Variants in AMPH observed in about 807,000 individuals in gnomAD.
AMPH encodes the protein amphiphysin, also known as amphiphysin (Stiff-Mann syndrome with breast cancer 128kD autoantigen).
In AMPH, 49 loss-of-function variants were observed where a neutral mutation model predicts 99.1. That is an observed-to-expected ratio of 0.49 (90% CI 0.39 to 0.63). The LOEUF is 0.63. Ranked by LOEUF, AMPH falls within the 20% of genes least tolerant of loss-of-function variation. The probability of loss-of-function intolerance (pLI) is 0.00; values close to 1 mark genes in which losing one functional copy is unlikely to be tolerated. For synonymous variants in AMPH, 314 were observed against 317.3 expected (o/e 0.99, Z 0.11); for missense variants, 759 against 863.4 (o/e 0.88, Z 1.52).
chr7:38,594,596 G>A (rs1463778119), intron 1 of AMPH, among the ~76,000 whole-genome samples: 1 of 152,118 alleles, frequency 6.6e-6, no homozygotes, highest in Non-Finnish European at 1.5e-5. Flanking sequence ...TATGAATGGG[G>A]TGGCATCTCT....
intron 11 of AMPH, among the ~76,000 whole-genome samples, chr7:38,451,621 T>C (rs1036830554): frequency 6.6e-6 from 1 of 152,084 alleles, no homozygotes; most frequent in Non-Finnish European, 1.5e-5. Context: ...GGAACTTTGT[T>C]ACAGAACTTT....
At chr7:38,407,656 T>C (rs1584050298) in intron 17 of AMPH, among the ~76,000 whole-genome samples, 1 of 151,992 alleles carries the variant, frequency 6.6e-6, no homozygotes, top group African/African-American at 2.4e-5. Context: ...AAATTAAATA[T>C]ACACTAAGGT....
chr7:38,450,140 T>C (rs1267830250), intron 11 of AMPH, among the ~76,000 whole-genome samples: 1 of 152,218 alleles, frequency 6.6e-6, no homozygotes, highest in Non-Finnish European at 1.5e-5. Context: ...TAGGCATTCC[T>C]ATGGCGTGAT....
intron 1 of AMPH, among the ~76,000 whole-genome samples, chr7:38,554,321 A>C (rs1161738443): frequency 1.3e-5 from 2 of 152,210 alleles, no homozygotes; most frequent in Non-Finnish European, 2.9e-5. Context: ...TATGTCTCAG[A>C]AGAATTCACA....
chr7:38,491,976 T>C (rs1285975612), intron 4 of AMPH, among the ~76,000 whole-genome samples: 1 of 152,226 alleles, frequency 6.6e-6, no homozygotes. Flanking sequence ...TTATATGAGT[T>C]GGCAATGTAA....
At chr7:38,567,707 T>C (rs2129050907) in intron 1 of AMPH, among the ~76,000 whole-genome samples, 1 of 152,320 alleles carries the variant, frequency 6.6e-6, no homozygotes, top group East Asian at 1.9e-4. Context: ...CAGGAAAAGC[T>C]TATGTTTTAG....
chr7:38,387,596 A>G (rs1784382571), intron 20 of AMPH, among the ~76,000 whole-genome samples: 1 of 152,148 alleles, frequency 6.6e-6, no homozygotes, highest in South Asian at 2.1e-4. Flanking sequence ...TGACTACCAG[A>G]GAGAAATAGT....
chr7:38,447,016 A>T (rs1786810999), intron 11 of AMPH, among the ~76,000 whole-genome samples: 1 of 147,814 alleles, frequency 6.8e-6, no homozygotes, highest in Admixed American at 6.8e-5. Context: ...TTTGGTTACT[A>T]TTTTTTTTTT....
chr7:38,429,854 A>G lies in AMPH; in HGVS notation c.1170T>C (p.Asp390=). 6.2e-7 allele frequency: 1 copy of G among 1,604,978 alleles called. No homozygotes were observed. Among genetic ancestry groups the G allele is most frequent in the Non-Finnish European group, 8.5e-7 (1 of 1,177,948 alleles). The stretch of plus-strand genomic sequence containing the variant: ...GATATTTACCTACCGGCTGTACCAA[A>G]TCAGTGCTTGTCTGTATGGGTAAAG... ...LPWDLWTTST[D]LVQPASGGSF... The change falls in exon 14 of 21, where the codon GAT becomes GAC. Residue 390 remains aspartate (D), a synonymous_variant. Coordinates refer to ENST00000356264, the MANE Select transcript of AMPH (RefSeq NM_001635.4).
chr7:38,570,547 G>A (rs1439530456), intron 1 of AMPH, among the ~76,000 whole-genome samples: 1 of 152,122 alleles, frequency 6.6e-6, no homozygotes, highest in Non-Finnish European at 1.5e-5. Flanking sequence ...CGTGTTTGTG[G>A]TGATGCTGGT....
chr7:38,452,102 T>G (rs982252928), intron 11 of AMPH, among the ~76,000 whole-genome samples: 1 of 152,188 alleles, frequency 6.6e-6, no homozygotes, highest in African/African-American at 2.4e-5. Flanking sequence ...GTGATGGTGC[T>G]TGGTGGAGGA....
chr7:38,586,830 G>A (rs2129056797), intron 1 of AMPH, among the ~76,000 whole-genome samples: 1 of 152,316 alleles, frequency 6.6e-6, no homozygotes, highest in East Asian at 1.9e-4. Flanking sequence ...TCTCCAACAG[G>A]ATAGATCTAT....
chr7:38,453,180 T>C (rs1450641591), intron 11 of AMPH, among the ~76,000 whole-genome samples: 1 of 152,082 alleles, frequency 6.6e-6, no homozygotes, highest in Non-Finnish European at 1.5e-5. Context: ...GAAAACAATA[T>C]AAATAAGGCT....
chr7:38,458,845 A>G (rs1443114003), intron 11 of AMPH, among the ~76,000 whole-genome samples: 1 of 152,196 alleles, frequency 6.6e-6, no homozygotes, highest in Non-Finnish European at 1.5e-5. Flanking sequence ...CCCATTCAAT[A>G]TAGCACTGGA....
At chr7:38,462,849 C>G in intron 10 of AMPH, 126 bp downstream of exon 10, 1 of 1,042,196 alleles carries the variant, frequency 9.6e-7, no homozygotes, top group Non-Finnish European at 1.3e-6. Flanking sequence ...ATGCCTAAAG[C>G]CTCACATCTC....
intron 1 of AMPH, among the ~76,000 whole-genome samples, chr7:38,539,518 C>A (rs1584222401): frequency 6.6e-6 from 1 of 152,164 alleles, no homozygotes; most frequent in Non-Finnish European, 1.5e-5. Flanking sequence ...CCATCTTACT[C>A]AGGAAGAGGC....
chr7:38,597,967 C>T (rs951050333), intron 1 of AMPH, among the ~76,000 whole-genome samples: 1 of 152,162 alleles, frequency 6.6e-6, no homozygotes, highest in African/African-American at 2.4e-5. Flanking sequence ...TTATCTTCCT[C>T]ACATTAGTCT....
At chr7:38,429,765 C>A in intron 14 of AMPH, 77 bp downstream of exon 14, 2 of 1,452,924 alleles carry the variant, frequency 1.4e-6, no homozygotes, top group South Asian at 2.4e-5. Context: ...GGAAACAGTT[C>A]ATTCTAGAAA....
chr7:38,401,730 T>C (rs57826652), intron 17 of AMPH, among the ~76,000 whole-genome samples: 13 of 152,174 alleles, frequency 8.5e-5, no homozygotes, highest in Non-Finnish European at 1.6e-4. Context: ...ACTTTTTTTT[T>C]AAACTTTAAA....
Sources: allele counts gnomAD v4.1 joint callset (sites outside exome capture counted in the v4.1 genomes callset), GRCh38; gene constraint gnomAD v4.1.1; transcripts MANE v1.5; gene names NCBI Gene and HGNC (gene_info 2026-07-23, HGNC 2026-07-21).